The following AGBL1 variants were observed in gnomAD, a reference collection of about 807,000 sequenced individuals.
The protein encoded by AGBL1 is AGBL carboxypeptidase 1.
In AGBL1, 130 loss-of-function variants were observed where a neutral mutation model predicts 118.9. The ratio of observed to expected loss-of-function variants is 1.09; its 90% CI spans 0.95 to 1.26. The LOEUF (loss-of-function observed/expected upper bound fraction) is 1.26, where lower values mean the gene tolerates loss of function less well. Ranked by LOEUF, AGBL1 falls within the 50% of genes most tolerant of loss-of-function variation. The pLI is 0.00. For synonymous variants in AGBL1, 555 were observed against 478.9 expected (o/e 1.16, Z -2.08); for missense variants, 1,584 against 1,298.1 (o/e 1.22, Z -3.38).
chr15:86,225,060 A>C, intron 6 of AGBL1, 109 bp downstream of exon 6: 1 of 1,069,594 alleles, frequency 9.3e-7, no homozygotes, highest in Non-Finnish European at 1.4e-6. Context: ...ATGAACTACT[A>C]TTTCTCAATC....
intron 7 of AGBL1, among the ~76,000 whole-genome samples, chr15:86,253,585 A>T (rs1306066372): frequency 6.6e-6 from 1 of 152,154 alleles, no homozygotes; most frequent in African/African-American, 2.4e-5. Flanking sequence ...GGAGAAGAGG[A>T]CATGAATTAA....
intron 5 of AGBL1, among the ~76,000 whole-genome samples, chr15:86,171,834 A>T (rs982187942): frequency 6.6e-6 from 1 of 152,230 alleles, no homozygotes; most frequent in Non-Finnish European, 1.5e-5. Flanking sequence ...TTGTGGTATA[A>T]ATATACCGTG....
intron 21 of AGBL1, among the ~76,000 whole-genome samples, chr15:86,671,254 T>A (rs1439553599): frequency 6.6e-6 from 1 of 152,168 alleles, no homozygotes; most frequent in Non-Finnish European, 1.5e-5. Context: ...AGCAACCACC[T>A]TGCAATCAGA....
chr15:86,268,453 C>G (rs2079107117), intron 13 of AGBL1, among the ~76,000 whole-genome samples: 1 of 152,150 alleles, frequency 6.6e-6, no homozygotes. Flanking sequence ...CCTGGTGGAA[C>G]AGTTATCAGA....
chr15:86,746,007 T>G (rs2077751242), intron 22 of AGBL1, among the ~76,000 whole-genome samples: 1 of 152,070 alleles, frequency 6.6e-6, no homozygotes, highest in Non-Finnish European at 1.5e-5. Flanking sequence ...GCCAGGGCAG[T>G]GCAGGATAGT....
chr15:87,017,048 G>A (rs1264455216), intron 24 of AGBL1, among the ~76,000 whole-genome samples: 2 of 152,098 alleles, frequency 1.3e-5, no homozygotes, highest in African/African-American at 4.8e-5. Context: ...TCATTCTGCA[G>A]GCCCCACTTC....
rs533275732 is a variant in AGBL1, at chr15:86,461,558, G to C, written c.2556-61252G>C. On this transcript the variant is annotated intron_variant, in intron 18 of 22. Coordinates refer to ENST00000614907, the MANE Select transcript of AGBL1 (RefSeq NM_001386094.1). Reference sequence around the variant, plus strand: ...AGACTTTTTCCTTTAAGATTTCACAGGAGTATCACGGCAATATATAAATGC... The same window carrying C: ...AGACTTTTTCCTTTAAGATTTCACACGAGTATCACGGCAATATATAAATGC... 3.3e-5 allele frequency among the ~76,000 whole-genome samples: 5 copies of C among 152,176 alleles called. No homozygotes were observed. In the South Asian group the frequency reaches 1.0e-3, roughly 32 times the overall value.
intron 22 of AGBL1, among the ~76,000 whole-genome samples, chr15:86,819,454 T>A (rs945271806): frequency 6.6e-6 from 1 of 151,802 alleles, no homozygotes; most frequent in Non-Finnish European, 1.5e-5. Flanking sequence ...GATACAAAAT[T>A]AATGTGCAAA....
At position 86,881,964 on chromosome 15, in the gene AGBL1, G is replaced by A. The variant is rs529931336; in HGVS notation, c.3159-25123G>A. ...CACGATCCAATCGCCTCCCACCAGC[G>A]CCCACCTCCAACACTGGGGATTATA... On this transcript the variant is annotated intron_variant, in intron 22 of 22. Coordinates refer to ENST00000614907, the MANE Select transcript of AGBL1 (RefSeq NM_001386094.1). 8.5e-5 allele frequency among the ~76,000 whole-genome samples: 13 copies of A among 152,222 alleles called. No individual in the cohort carries two copies. In the East Asian group the frequency reaches 2.1e-3, roughly 25 times the overall value.
intron 21 of AGBL1, among the ~76,000 whole-genome samples, chr15:86,585,473 A>G (rs1352248075): frequency 6.6e-6 from 1 of 152,122 alleles, no homozygotes; most frequent in African/African-American, 2.4e-5. Context: ...AGCTTATTAT[A>G]AGCTTGAACT....
chr15:86,546,531 CCT>C (rs1236923785), intron 20 of AGBL1, among the ~76,000 whole-genome samples: 1 of 152,062 alleles, frequency 6.6e-6, no homozygotes, highest in African/African-American at 2.4e-5. Context: ...AAAAATACTG[CCT>C]CTGTTACATA....
intron 18 of AGBL1, among the ~76,000 whole-genome samples, chr15:86,486,043 G>T (rs1488355106): frequency 1.3e-5 from 2 of 152,122 alleles, no homozygotes; most frequent in South Asian, 2.1e-4. Context: ...TTCTGTTTAC[G>T]ATGTGAACCT....
chr15:86,665,123 T>A (rs191627873), intron 21 of AGBL1, among the ~76,000 whole-genome samples: 1 of 152,318 alleles, frequency 6.6e-6, no homozygotes, highest in Non-Finnish European at 1.5e-5. Flanking sequence ...TATGATTATA[T>A]CCCTATGACG....
chr15:86,191,160 T>C (rs2077712567), intron 5 of AGBL1, among the ~76,000 whole-genome samples: 1 of 146,378 alleles, frequency 6.8e-6, no homozygotes, highest in African/African-American at 2.5e-5. Context: ...CCTGGCAACA[T>C]GGTGAAACCC....
Position 86,347,119 on chromosome 15 carries a change from AC to A in AGBL1, c.2375-50246del, listed in dbSNP as rs138567643. On this transcript the variant is annotated intron_variant, in intron 17 of 22. Coordinates refer to ENST00000614907, the MANE Select transcript of AGBL1 (RefSeq NM_001386094.1). ...GGGCTGACCTGGATGGTAATTGATT[AC>A]TAATGAGGCAGACTTGCTTTCATCT... is the stretch of plus-strand genomic sequence containing the variant. 8.8e-3 allele frequency among the ~76,000 whole-genome samples: 1,347 copies of A among 152,338 alleles called. 6 individuals are homozygous for A. Among genetic ancestry groups the A allele is most frequent in the Middle Eastern group, 0.02 (6 of 294 alleles).
chr15:87,011,635 G>A (rs746072784), intron 24 of AGBL1, among the ~76,000 whole-genome samples: 2 of 152,170 alleles, frequency 1.3e-5, no homozygotes, highest in Non-Finnish European at 2.9e-5. Flanking sequence ...CTACCAGCAT[G>A]CTACCCAAAC....
intron 17 of AGBL1, among the ~76,000 whole-genome samples, chr15:86,355,202 G>A (rs2141908687): frequency 6.6e-6 from 1 of 152,284 alleles, no homozygotes; most frequent in African/African-American, 2.4e-5. Context: ...ATTTGTTATG[G>A]CAGCAATAGA....
intron 22 of AGBL1, among the ~76,000 whole-genome samples, chr15:86,707,966 T>C (rs938991282): frequency 5.3e-5 from 8 of 152,128 alleles, no homozygotes; most frequent in African/African-American, 1.7e-4. Flanking sequence ...CAGACCACAA[T>C]TCTTTTAGCT....
chr15:86,699,763 G>A (rs77360098), intron 22 of AGBL1, among the ~76,000 whole-genome samples: 5,035 of 152,064 alleles, frequency 0.033, 114 homozygotes, highest in Middle Eastern at 0.092. Context: ...TGTTTACTTT[G>A]ACCGCTTGTT....
Sources: allele counts gnomAD v4.1 joint callset (sites outside exome capture counted in the v4.1 genomes callset), GRCh38; gene constraint gnomAD v4.1.1; transcripts MANE v1.5; gene names NCBI Gene and HGNC (gene_info 2026-07-23, HGNC 2026-07-21).